Variants in C1orf141 observed in about 807,000 individuals in gnomAD.
C1orf141 encodes uncharacterized protein C1orf141.
A neutral mutation model predicts 23.2 loss-of-function variants in C1orf141; 19 were observed. The ratio of observed to expected loss-of-function variants is 0.82; its 90% confidence interval spans 0.57 to 1.20. The LOEUF (loss-of-function observed/expected upper bound fraction) is 1.20, where lower values mean the gene tolerates loss of function less well. Among genes scored for constraint, C1orf141 ranks in the 50% most tolerant of loss-of-function variants. C1orf141 has a pLI of 0.00. For synonymous variants in C1orf141, 153 were observed against 154.6 expected (o/e 0.99, Z 0.08); for missense variants, 469 against 455.1 (o/e 1.03, Z -0.28).
At chr1:67,115,697 T>C (rs563308492) in intron 4 of C1orf141, among the ~76,000 whole-genome samples, 2 of 152,304 alleles carry the variant, frequency 1.3e-5, no homozygotes, top group South Asian at 2.1e-4. Context: ...TGTGATAGCA[T>C]TGAGGGCACT....
Position 67,130,767 on chromosome 1 carries a change from G to A in C1orf141, c.-18+375C>T, listed in dbSNP as rs72925191. Among the ~76,000 whole-genome samples, 416 of 152,168 alleles carry A rather than the reference G, an allele frequency of 2.7e-3. 3 individuals are homozygous for A. The highest frequency in any genetic ancestry group is 6.6e-3 in the African/African-American group (273 of 41,506). ...CAGTTTTATGAATACTAAATTTGCC[G>A]GTTAATGAAATTGACTGAATGTTAG... On this transcript the variant is annotated intron_variant, in intron 2 of 7. Coordinates refer to ENST00000684719, the MANE Select transcript of C1orf141 (RefSeq NM_001276351.2).
intron 1 of C1orf141, among the ~76,000 whole-genome samples, chr1:67,132,594 T>A (rs1646534830): frequency 6.6e-6 from 1 of 152,178 alleles, no homozygotes; most frequent in Non-Finnish European, 1.5e-5. Flanking sequence ...GAAGCAAGAA[T>A]TGACTTATCC....
chr1:67,140,195 G>A (rs1646623224), intron 1 of C1orf141, among the ~76,000 whole-genome samples: 1 of 152,122 alleles, frequency 6.6e-6, no homozygotes, highest in Admixed American at 6.5e-5. Context: ...ATAGCATCTT[G>A]CAAGGCTTCA....
In C1orf141 at chr1:67,093,361, G is replaced by GGA. The variant is rs751169013; in HGVS notation, c.845_846dup (p.Pro283SerfsTer12). On this transcript the variant is annotated frameshift_variant, in exon 8 of 8. Transcript: ENST00000684719. LOFTEE classifies it low-confidence loss of function (END_TRUNC). Reference sequence around the variant, plus strand: ...GTGTGGCCCGCTTTAAAAGACATAGGGATCTGTATATCTTTTCTCTGTACT... The same window carrying GGA: ...GTGTGGCCCGCTTTAAAAGACATAGGGAGATCTGTATATCTTTTCTCTGTACT... The GGA allele has an allele frequency of 2.5e-6, 4 of 1,613,736 alleles. No homozygotes were observed. In the African/African-American group the frequency reaches 5.3e-5, roughly 22 times the overall value.
Position 67,093,034 on chromosome 1 carries a change from A to G in C1orf141, c.1174T>C (p.Leu392=), listed in dbSNP as rs1372710997. The G allele has an allele frequency of 6.3e-7, 1 of 1,586,608 alleles. No individual in the cohort carries two copies. The highest frequency in any genetic ancestry group is 8.6e-7 in the Non-Finnish European group (1 of 1,160,792). The change falls in exon 8 of 8, where the codon TTA becomes CTA. Residue 392 remains leucine (L), a synonymous_variant. Coordinates refer to ENST00000684719, the MANE Select transcript of C1orf141 (RefSeq NM_001276351.2). ...GAGGCATTTAAAATTTCATTTGATA[A>G]GTTTAACAAATTATCCAGTGGCGTT... ...NVTPLDNLLN[L]SNEILNAS is the part of the protein sequence containing the mutation.
rs1645583930 is a variant in C1orf141 at position 67,092,974 on chromosome 1, G to T, written c.*31C>A. The T allele has an allele frequency of 6.7e-7, 1 of 1,499,606 alleles. No individual in the cohort carries two copies. The highest frequency in any genetic ancestry group is 9.0e-7 in the Non-Finnish European group (1 of 1,108,314). 92.9% of individuals were successfully genotyped at this position (1,499,606 alleles called of 1,614,324 possible). ...TTTGGAACTTGGATATTTGCTTCTT[G>T]TTACTCAAATATTGCTGCATACATA... On this transcript the variant is annotated 3_prime_UTR_variant, in exon 8 of 8. Transcript: ENST00000684719.
chr1:67,117,268 C>G (rs1372073191), intron 4 of C1orf141, among the ~76,000 whole-genome samples: 2 of 152,070 alleles, frequency 1.3e-5, no homozygotes, highest in African/African-American at 4.8e-5. Flanking sequence ...ACTAAAAATA[C>G]AAAAATTAGC....
intron 4 of C1orf141, among the ~76,000 whole-genome samples, chr1:67,119,005 T>A (rs1646250991): frequency 6.6e-6 from 1 of 152,194 alleles, no homozygotes; most frequent in African/African-American, 2.4e-5. Flanking sequence ...GGGGTGCTGC[T>A]GTAACAAGTA....
chr1:67,096,849 C>T (rs921288328), intron 5 of C1orf141, among the ~76,000 whole-genome samples: 2 of 152,190 alleles, frequency 1.3e-5, no homozygotes, highest in Non-Finnish European at 2.9e-5. Flanking sequence ...CAGTACTTCC[C>T]AGTCTTTCCC....
chr1:67,104,823 A>G (rs764568932), intron 5 of C1orf141, among the ~76,000 whole-genome samples: 1 of 152,166 alleles, frequency 6.6e-6, no homozygotes, highest in Non-Finnish European at 1.5e-5. Flanking sequence ...AATCAACACT[A>G]GACTAGTACA....
At chr1:67,099,440 C>T (rs1645751777) in intron 5 of C1orf141, among the ~76,000 whole-genome samples, 1 of 152,234 alleles carries the variant, frequency 6.6e-6, no homozygotes, top group Middle Eastern at 3.4e-3. Flanking sequence ...CAACAGGTCA[C>T]CATTGAAAGA....
intron 4 of C1orf141, among the ~76,000 whole-genome samples, chr1:67,124,802 G>T (rs1478413844): frequency 6.6e-6 from 1 of 152,222 alleles, no homozygotes; most frequent in Non-Finnish European, 1.5e-5. Flanking sequence ...TCAATAGGAT[G>T]ACTGTGAGCT....
intron 7 of C1orf141, chr1:67,094,466 G>T (rs1488153666): frequency 6.6e-6 from 1 of 152,254 alleles, no homozygotes; most frequent in African/African-American, 2.4e-5. Context: ...ATACACCTAT[G>T]AAGTCTTCAG....
At chr1:67,103,937 A>T (rs746006241) in intron 5 of C1orf141, among the ~76,000 whole-genome samples, 1 of 152,128 alleles carries the variant, frequency 6.6e-6, no homozygotes, top group Non-Finnish European at 1.5e-5. Context: ...GTTAATATAA[A>T]CTGAATACTT....
chr1:67,114,244 AG>A (rs1393595588), intron 5 of C1orf141, among the ~76,000 whole-genome samples: 3 of 151,892 alleles, frequency 2.0e-5, no homozygotes, highest in Non-Finnish European at 4.4e-5. Context: ...TGAATGCTTT[AG>A]TATGTTCTGA....
intron 4 of C1orf141, among the ~76,000 whole-genome samples, chr1:67,118,399 A>T (rs1185037105): frequency 6.6e-6 from 1 of 152,194 alleles, no homozygotes; most frequent in Non-Finnish European, 1.5e-5. Context: ...TTCCTCCACA[A>T]AACTGATGAG....
chr1:67,133,713 A>G (rs540983672), intron 1 of C1orf141, among the ~76,000 whole-genome samples: 1 of 152,208 alleles, frequency 6.6e-6, no homozygotes, highest in East Asian at 1.9e-4. Flanking sequence ...GGAGATTGGG[A>G]CACCGAGGAT....
chr1:67,138,619 A>ACCC (rs1646605689), upstream of C1orf141, among the ~76,000 whole-genome samples: 1 of 152,024 alleles, frequency 6.6e-6, no homozygotes, highest in Non-Finnish European at 1.5e-5. Flanking sequence ...AGAATATAGA[A>ACCC]CTTCTACCAT....
intron 5 of C1orf141, chr1:67,113,734 A>G: frequency 2.4e-6 from 3 of 1,269,092 alleles, no homozygotes; most frequent in Non-Finnish European, 3.1e-6. Flanking sequence ...TTTAATCAGG[A>G]TCAGCCTACT....
Sources: allele counts gnomAD v4.1 joint callset (sites outside exome capture counted in the v4.1 genomes callset), GRCh38; gene constraint gnomAD v4.1.1; transcripts MANE v1.5; gene names NCBI Gene and HGNC (gene_info 2026-07-23, HGNC 2026-07-21).